FAT3: variants seen among roughly 807,000 people sequenced by gnomAD.
The protein encoded by FAT3 is protocadherin Fat 3.
A neutral mutation model predicts 310.2 loss-of-function variants in FAT3; 95 were observed. The ratio of observed to expected loss-of-function variants is 0.31; its 90% CI spans 0.26 to 0.36. The LOEUF (loss-of-function observed/expected upper bound fraction) is 0.36. Ranked by LOEUF, FAT3 falls within the 10% of genes least tolerant of loss-of-function variation. The pLI, the probability that FAT3 is intolerant of heterozygous loss-of-function variation, is 1.00. For synonymous variants in FAT3, 2,314 were observed against 2,192.9 expected (o/e 1.06, Z -1.54); for missense variants, 5,408 against 5,715.6 (o/e 0.95, Z 1.74).
intron 2 of FAT3, among the ~76,000 whole-genome samples, chr11:92,466,817 G>A (rs1815730571): frequency 6.9e-6 from 1 of 144,120 alleles, no homozygotes; most frequent in Admixed American, 7.5e-5. Context: ...CCACCTATGA[G>A]TGAGAACATG....
chr11:92,744,551 T>A (rs1370729262), intron 4 of FAT3, among the ~76,000 whole-genome samples: 2 of 151,730 alleles, frequency 1.3e-5, no homozygotes, highest in Non-Finnish European at 2.9e-5. Context: ...TTTATAACCA[T>A]TTTTTTATAG....
chr11:92,667,395 G>A (rs1205838707), intron 3 of FAT3, among the ~76,000 whole-genome samples: 2 of 151,912 alleles, frequency 1.3e-5, no homozygotes, highest in Non-Finnish European at 2.9e-5. Context: ...AACCCCAGCA[G>A]GCTCATAAAC....
intron 4 of FAT3, among the ~76,000 whole-genome samples, chr11:92,758,004 A>AC (rs1380172337): frequency 6.6e-6 from 1 of 151,978 alleles, no homozygotes; most frequent in African/African-American, 2.4e-5. Context: ...CCTCTAGCTG[A>AC]CCCCCCATGA....
intron 3 of FAT3, among the ~76,000 whole-genome samples, chr11:92,535,070 G>T (rs1954207855): frequency 6.6e-6 from 1 of 152,086 alleles, no homozygotes; most frequent in African/African-American, 2.4e-5. Flanking sequence ...TCACATGAGG[G>T]TCTTTAAAAG....
chr11:92,555,678 A>T (rs1954992432), intron 3 of FAT3, among the ~76,000 whole-genome samples: 1 of 152,170 alleles, frequency 6.6e-6, no homozygotes, highest in Non-Finnish European at 1.5e-5. Flanking sequence ...TGTGTTGACT[A>T]ATCCTGGCAG....
chr11:92,703,769 T>G (rs1944175049), intron 4 of FAT3, among the ~76,000 whole-genome samples: 1 of 152,280 alleles, frequency 6.6e-6, no homozygotes, highest in Non-Finnish European at 1.5e-5. Flanking sequence ...TACTAAGGTT[T>G]TCTTCTTAGA....
chr11:92,303,478 A>G (rs1446090676), intron 1 of FAT3, among the ~76,000 whole-genome samples: 1 of 152,138 alleles, frequency 6.6e-6, no homozygotes, highest in Non-Finnish European at 1.5e-5. Flanking sequence ...AGTACAACCT[A>G]GATATGTAAC....
intron 21 of FAT3, among the ~76,000 whole-genome samples, chr11:92,862,011 T>A (rs939146305): frequency 6.6e-6 from 1 of 152,170 alleles, no homozygotes; most frequent in African/African-American, 2.4e-5. Flanking sequence ...TCAGCAATAA[T>A]AAAAGGCACT....
chr11:92,677,249 A>G (rs1943315654), intron 3 of FAT3, among the ~76,000 whole-genome samples: 2 of 152,226 alleles, frequency 1.3e-5, no homozygotes, highest in Non-Finnish European at 2.9e-5. Context: ...AAAAACAGTG[A>G]CATGATAGAA....
In FAT3 at chr11:92,683,670, C is replaced by T. The variant is rs181566309; in HGVS notation, c.3608-13714C>T. Among the ~76,000 whole-genome samples, 20 of 152,314 alleles carry T rather than the reference C, an allele frequency of 1.3e-4. No individual in the cohort carries two copies. In the East Asian group the frequency reaches 2.5e-3, roughly 19 times the overall value. ...CCGTTGAAAGCCAACCACCCCAGTG[C>T]CTAGCCAGTGGTAGGGCTGGCATTG... On this transcript the variant is annotated intron_variant, in intron 3 of 27. Transcript: ENST00000525166.
At chr11:92,350,712 A>G (rs940201247) in intron 1 of FAT3, among the ~76,000 whole-genome samples, 3 of 151,942 alleles carry the variant, frequency 2.0e-5, no homozygotes, top group Non-Finnish European at 4.4e-5. Flanking sequence ...CTAATATGTC[A>G]TTGGGTAAAA....
chr11:92,402,985 C>T (rs1281458603), intron 2 of FAT3, among the ~76,000 whole-genome samples: 2 of 152,078 alleles, frequency 1.3e-5, no homozygotes, highest in African/African-American at 4.8e-5. Flanking sequence ...GAAATCAAAA[C>T]TTGTCCACTC....
chr11:92,603,458 A>G (rs1466066073), intron 3 of FAT3, among the ~76,000 whole-genome samples: 1 of 152,252 alleles, frequency 6.6e-6, no homozygotes, highest in Non-Finnish European at 1.5e-5. Context: ...TTAAAGCCCT[A>G]TGAAACAAAA....
chr11:92,414,500 T>C (rs1950365489), intron 2 of FAT3, among the ~76,000 whole-genome samples: 1 of 152,246 alleles, frequency 6.6e-6, no homozygotes, highest in Admixed American at 6.5e-5. Flanking sequence ...TAGTTACTTT[T>C]GTAAAATTTT....
intron 3 of FAT3, among the ~76,000 whole-genome samples, chr11:92,666,353 A>ATTTTTTT (rs35495410): frequency 5.7e-5 from 8 of 140,268 alleles, no homozygotes; most frequent in African/African-American, 2.1e-4. Flanking sequence ...AATTTGAAGG[A>ATTTTTTT]TTTTTTTTTT....
intron 2 of FAT3, among the ~76,000 whole-genome samples, chr11:92,395,047 A>C (rs1949836797): frequency 6.6e-6 from 1 of 152,212 alleles, no homozygotes; most frequent in Non-Finnish European, 1.5e-5. Flanking sequence ...AATGAACCCA[A>C]GGTCCTTTCC....
At chr11:92,251,600 T>C (rs1865144306) in intron 1 of FAT3, among the ~76,000 whole-genome samples, 1 of 152,162 alleles carries the variant, frequency 6.6e-6, no homozygotes, top group Non-Finnish European at 1.5e-5. Flanking sequence ...AAATTTATTT[T>C]AGTATTAATT....
At chr11:92,557,091 T>C (rs1409795501) in intron 3 of FAT3, among the ~76,000 whole-genome samples, 1 of 152,046 alleles carries the variant, frequency 6.6e-6, no homozygotes, top group Non-Finnish European at 1.5e-5. Context: ...CGCTATCTAT[T>C]GCATTCTTCC....
intron 3 of FAT3, among the ~76,000 whole-genome samples, chr11:92,551,158 G>A (rs1302906001): frequency 6.6e-6 from 1 of 152,004 alleles, no homozygotes; most frequent in Non-Finnish European, 1.5e-5. Flanking sequence ...AGACCAATTG[G>A]AGGTGAGCAA....
Sources: allele counts gnomAD v4.1 joint callset (sites outside exome capture counted in the v4.1 genomes callset), GRCh38; gene constraint gnomAD v4.1.1; transcripts MANE v1.5; gene names NCBI Gene and HGNC (gene_info 2026-07-23, HGNC 2026-07-21).